VPS53: variants seen among roughly 807,000 people sequenced by gnomAD.
VPS53 encodes the protein VPS53 subunit of GARP complex.
A neutral mutation model predicts 107.0 loss-of-function variants in VPS53; 70 were observed. That is an observed-to-expected ratio of 0.65 (90% CI 0.54 to 0.80). VPS53 has a LOEUF of 0.80. VPS53 is among the 30% of genes least tolerant of loss of function. The probability of loss-of-function intolerance (pLI) is 0.00; values close to 1 mark genes in which losing one functional copy is unlikely to be tolerated. For missense variants in VPS53, 917 were observed against 1,049.4 expected, an observed-to-expected ratio of 0.87 and a Z score of 1.74; for synonymous variants, 409 against 393.3, an observed-to-expected ratio of 1.04 and a Z score of -0.47.
At chr17:610,048 G>A (rs549006874) in intron 11 of VPS53, among the ~76,000 whole-genome samples, 22 of 151,644 alleles carry the variant, frequency 1.5e-4, no homozygotes, top group African/African-American at 4.4e-4. Flanking sequence ...GGAGAATGGC[G>A]TGAACCCAGG....
At chr17:693,002 T>C (rs1166427546) in intron 4 of VPS53, among the ~76,000 whole-genome samples, 2 of 152,082 alleles carry the variant, frequency 1.3e-5, no homozygotes, top group East Asian at 3.9e-4. Context: ...GGCGTGGTGG[T>C]GCATGCCTGT....
At chr17:660,015 T>G (rs1474958123) in intron 5 of VPS53, among the ~76,000 whole-genome samples, 1 of 152,234 alleles carries the variant, frequency 6.6e-6, no homozygotes, top group African/African-American at 2.4e-5. Context: ...AGAAGGCCCA[T>G]GGTTGATTCG....
intron 2 of VPS53, among the ~76,000 whole-genome samples, chr17:700,055 C>G (rs1332654228): frequency 1.3e-5 from 2 of 151,918 alleles, no homozygotes; most frequent in Admixed American, 6.6e-5. Context: ...TCAAGTTGTA[C>G]CCTTAAGATT....
At chr17:644,526 C>T (rs1035665474) in intron 7 of VPS53, among the ~76,000 whole-genome samples, 1 of 152,132 alleles carries the variant, frequency 6.6e-6, no homozygotes, top group Non-Finnish European at 1.5e-5. Flanking sequence ...AAAAAACAAT[C>T]CTAGTCAAGC....
chr17:571,273 A>T (rs943894807), intron 13 of VPS53, among the ~76,000 whole-genome samples: 2 of 151,626 alleles, frequency 1.3e-5, no homozygotes, highest in Admixed American at 1.3e-4. Context: ...GAGGGAGAAG[A>T]GAAAGGGAAA....
chr17:620,701 G>C (rs1401004089), intron 11 of VPS53, among the ~76,000 whole-genome samples: 1 of 148,464 alleles, frequency 6.7e-6, no homozygotes, highest in Admixed American at 6.8e-5. Context: ...TTTTGAGATG[G>C]AGTCTCACTC....
At chr17:686,286 T>C (rs550381873) in intron 4 of VPS53, among the ~76,000 whole-genome samples, 2 of 151,928 alleles carry the variant, frequency 1.3e-5, no homozygotes, top group South Asian at 4.2e-4. Flanking sequence ...TGCCATTACA[T>C]TCCAGCCTGA....
At chr17:654,453 G>T (rs1220328275) in intron 6 of VPS53, among the ~76,000 whole-genome samples, 1 of 151,642 alleles carries the variant, frequency 6.6e-6, no homozygotes, top group Non-Finnish European at 1.5e-5. Context: ...AAAAAGACAG[G>T]ATTGGCCGGG....
In VPS53 at chr17:627,201, A is replaced by G; in HGVS notation, c.947T>C (p.Ile316Thr). Residue 316 changes from isoleucine to threonine, a missense_variant, in exon 10 of 22, where the codon ATT (isoleucine) becomes ACT (threonine). By Grantham distance (89) the Ile-to-Thr change is moderately conservative. Transcript: ENST00000437048. ...TGTCACATGGCAAAATTCCACCGCAATCCTCTCAGCCATGCACCACTCACG... is the reference window on the plus strand; with the variant it reads ...TGTCACATGGCAAAATTCCACCGCAGTCCTCTCAGCCATGCACCACTCACG... ...FPREWCMAER[I>T]AVEFCHVTRA... is the part of the protein sequence containing the mutation. The G allele has an allele frequency of 6.2e-7, 1 of 1,613,220 alleles. No homozygotes were observed. The highest frequency in any genetic ancestry group is 8.5e-7 in the Non-Finnish European group (1 of 1,179,742).
chr17:588,894 C>T (rs1368789770), intron 12 of VPS53, among the ~76,000 whole-genome samples: 1 of 152,104 alleles, frequency 6.6e-6, no homozygotes, highest in Non-Finnish European at 1.5e-5. Context: ...ACCCACTTGT[C>T]CTGTTTATTC....
intron 3 of VPS53, among the ~76,000 whole-genome samples, chr17:698,982 A>G (rs1275940013): frequency 1.3e-5 from 2 of 152,026 alleles, no homozygotes; most frequent in African/African-American, 2.4e-5. Flanking sequence ...AGCCTGACCA[A>G]CATGGTGAAA....
chr17:668,788 A>G (rs933928382), intron 4 of VPS53, among the ~76,000 whole-genome samples: 3 of 152,166 alleles, frequency 2.0e-5, no homozygotes, highest in African/African-American at 7.2e-5. Context: ...GGTCTCACAT[A>G]TGAAGAAGTC....
In VPS53 at chr17:631,641, G is replaced by C; in HGVS notation, c.609-13C>G. 6.2e-7 allele frequency: 1 copy of C among 1,612,852 alleles called. No individual in the cohort carries two copies. The highest frequency in any genetic ancestry group is 1.1e-5 in the South Asian group (1 of 91,054). On this transcript the variant is annotated splice_polypyrimidine_tract_variant and intron_variant, in intron 7 of 21. Coordinates refer to ENST00000437048, the MANE Select transcript of VPS53 (RefSeq NM_001128159.3). ...TGCAGCCTTCACTCTGTGAGGAAGA[G>C]AGAACATATCATCACCTGGCATCAT...
At chr17:664,953 C>T (rs1971617986) in intron 4 of VPS53, among the ~76,000 whole-genome samples, 1 of 152,102 alleles carries the variant, frequency 6.6e-6, no homozygotes. Flanking sequence ...GCTTGACAGG[C>T]AGGTGTGTGT....
chr17:625,864 T>C (rs1034463830), intron 10 of VPS53, among the ~76,000 whole-genome samples: 2 of 152,356 alleles, frequency 1.3e-5, no homozygotes, highest in African/African-American at 2.4e-5. Context: ...TGAGTTATGC[T>C]AGATATGGGC....
rs1461177785 is a variant in VPS53, at chr17:711,727, C to T, written c.88-1114G>A. On this transcript the variant is annotated intron_variant, in intron 1 of 21. Transcript: ENST00000437048. Reference sequence around the variant, plus strand: ...TAACAAGGCTCCTAACAAAAGCCAGCTGAAAAAAGAATGACTGGTTCCAAT... The same window carrying T: ...TAACAAGGCTCCTAACAAAAGCCAGTTGAAAAAAGAATGACTGGTTCCAAT... Among the ~76,000 whole-genome samples, 9 of 151,828 alleles carry T rather than the reference C, an allele frequency of 5.9e-5. No individual in the cohort carries two copies. In the East Asian group the frequency reaches 1.2e-3, roughly 20 times the overall value.
At chr17:533,541 T>C (rs1909769373) in intron 18 of VPS53, among the ~76,000 whole-genome samples, 1 of 152,212 alleles carries the variant, frequency 6.6e-6, no homozygotes. Context: ...CTCCCTCGCC[T>C]GGACTGCCTT....
chr17:598,691 C>T (rs1356337292), intron 12 of VPS53, among the ~76,000 whole-genome samples: 1 of 123,398 alleles, frequency 8.1e-6, no homozygotes, highest in African/African-American at 2.7e-5. Flanking sequence ...TGCCCGGCCG[C>T]CCCGTCTGAG....
intron 4 of VPS53, among the ~76,000 whole-genome samples, chr17:680,449 C>T (rs1326403818): frequency 1.3e-5 from 2 of 151,860 alleles, no homozygotes; most frequent in Admixed American, 6.6e-5. Flanking sequence ...AGACAATACA[C>T]GATGACCCAG....
Sources: allele counts gnomAD v4.1 joint callset (sites outside exome capture counted in the v4.1 genomes callset), GRCh38; gene constraint gnomAD v4.1.1; transcripts MANE v1.5; gene names NCBI Gene and HGNC (gene_info 2026-07-23, HGNC 2026-07-21).